MYO18B: variants seen among roughly 807,000 people sequenced by gnomAD.
The protein encoded by MYO18B is myosin XVIIIB, also known as unconventional myosin-XVIIIb.
In MYO18B, 204 loss-of-function variants were observed where a neutral mutation model predicts 273.0. That is an observed-to-expected ratio of 0.75 (90% CI 0.67 to 0.84). The LOEUF is 0.84. MYO18B is among the 40% of genes least tolerant of loss of function. The probability of loss-of-function intolerance (pLI) is 0.00; values close to 1 mark genes in which losing one functional copy is unlikely to be tolerated. For missense variants in MYO18B, 3,212 were observed against 3,287.6 expected (o/e 0.98, Z 0.56); for synonymous variants, 1,330 against 1,305.7 (o/e 1.02, Z -0.40).
chr22:25,946,345 A>G, intron 35 of MYO18B, 95 bp downstream of exon 35: 4 of 783,182 alleles, frequency 5.1e-6, no homozygotes, highest in Non-Finnish European at 8.0e-6. Context: ...TATAGGAAGT[A>G]TGAGGACATT....
chr22:26,033,969 T>G (rs1395320677), downstream of MYO18B, among the ~76,000 whole-genome samples: 1 of 151,828 alleles, frequency 6.6e-6, no homozygotes, highest in Non-Finnish European at 1.5e-5. Flanking sequence ...TTTTTCTTTT[T>G]TTGGATGGGG....
At chr22:25,967,851 A>G (rs930896188) in intron 39 of MYO18B, among the ~76,000 whole-genome samples, 4 of 152,174 alleles carry the variant, frequency 2.6e-5, no homozygotes, top group African/African-American at 9.7e-5. Context: ...GCCAGAGCTG[A>G]CTGTGTCCAT....
At chr22:25,878,659 G>A (rs893381102) in intron 25 of MYO18B, among the ~76,000 whole-genome samples, 1 of 152,222 alleles carries the variant, frequency 6.6e-6, no homozygotes, top group Non-Finnish European at 1.5e-5. Flanking sequence ...TAGCAATTAG[G>A]AAGTGCAAAT....
At chr22:25,990,748 C>A (rs2093261293) in intron 39 of MYO18B, among the ~76,000 whole-genome samples, 1 of 133,312 alleles carries the variant, frequency 7.5e-6, no homozygotes, top group African/African-American at 2.8e-5. Flanking sequence ...AGACTCCAGG[C>A]TAAGAGAGGG....
At chr22:25,862,409 C>T (rs955316743) in intron 21 of MYO18B, among the ~76,000 whole-genome samples, 7 of 152,074 alleles carry the variant, frequency 4.6e-5, no homozygotes, top group Non-Finnish European at 7.4e-5. Flanking sequence ...TTTTTGTTTT[C>T]CCATGCTCTT....
intron 1 of MYO18B, among the ~76,000 whole-genome samples, chr22:25,756,889 C>T (rs955136101): frequency 1.3e-5 from 2 of 151,986 alleles, no homozygotes; most frequent in East Asian, 1.9e-4. Context: ...GGCAAAACCC[C>T]GTCTCTACTG....
chr22:25,972,787 C>T (rs2093049358), intron 39 of MYO18B, among the ~76,000 whole-genome samples: 1 of 152,088 alleles, frequency 6.6e-6, no homozygotes. Flanking sequence ...GAAACCCCTT[C>T]TCTACTAAAA....
At chr22:25,856,216 T>G (rs911558460) in intron 21 of MYO18B, among the ~76,000 whole-genome samples, 6 of 152,182 alleles carry the variant, frequency 3.9e-5, no homozygotes, top group African/African-American at 1.4e-4. Context: ...TTGTTTTGTT[T>G]TTTTGATAGT....
intron 12 of MYO18B, 114 bp downstream of exon 12, chr22:25,798,211 T>A (rs964942321): frequency 8.3e-6 from 11 of 1,317,998 alleles, no homozygotes; most frequent in Non-Finnish European, 5.0e-6. Context: ...ACCTTCTATG[T>A]CTCTGGGACT....
At position 25,843,730 on chromosome 22, in the gene MYO18B, T is replaced by A; in HGVS notation, c.3209-5T>A. On this transcript the variant is annotated splice_polypyrimidine_tract_variant and splice_region_variant and intron_variant, in intron 17 of 43. Transcript: ENST00000335473. The stretch of plus-strand genomic sequence containing the variant: ...CAGCACTCATGCCACCATGTCTGTT[T>A]CCAGGGTCCTCTGCCCTGCGGACCT... 1 of 1,610,618 alleles carries A rather than the reference T, an allele frequency of 6.2e-7. No homozygotes were observed. Among genetic ancestry groups the A allele is most frequent in the Non-Finnish European group, 8.5e-7 (1 of 1,177,258 alleles).
At chr22:25,892,869 C>T (rs2091699039) in intron 27 of MYO18B, among the ~76,000 whole-genome samples, 1 of 152,056 alleles carries the variant, frequency 6.6e-6, no homozygotes, top group Non-Finnish European at 1.5e-5. Context: ...CTATAAAATC[C>T]CCAGAGGGGC....
Position 25,837,647 on chromosome 22 carries a change from A to G in MYO18B, c.3208+2204A>G, listed in dbSNP as rs144395656. ...GCAGAGACCTCTGTCCGAGACATTCATGGTAGATTCCTGTGCCCATATCAG... is the reference window on the plus strand; with the variant it reads ...GCAGAGACCTCTGTCCGAGACATTCGTGGTAGATTCCTGTGCCCATATCAG... On this transcript the variant is annotated intron_variant, in intron 17 of 43. Transcript: ENST00000335473. 4.8e-3 allele frequency among the ~76,000 whole-genome samples: 726 copies of G among 152,342 alleles called. 4 individuals are homozygous for G. Among genetic ancestry groups the G allele is most frequent in the Non-Finnish European group, 8.0e-3 (542 of 68,028 alleles).
In MYO18B at chr22:25,769,367, A is replaced by C; in HGVS notation, c.1451A>C (p.Asn484Thr). The change falls in exon 4 of 44, where the codon AAC becomes ACC. Residue 484 changes from asparagine to threonine, a missense_variant. Transcript: ENST00000335473. ...GAAAGGCCTCGGATACGGAAGGAGA[A>C]CCAAGACGGGCCAGCCCCGCAGGAG... is the stretch of plus-strand genomic sequence containing the variant. ...DAERPRIRKE[N>T]QDGPAPQEEG... 3 of 1,575,504 alleles carry C rather than the reference A, an allele frequency of 1.9e-6. No individual in the cohort carries two copies. The highest frequency in any genetic ancestry group is 2.6e-6 in the Non-Finnish European group (3 of 1,161,142).
In MYO18B at chr22:25,780,515, A is replaced by G. The variant is rs2087095968; in HGVS notation, c.2211+317A>G. 2.0e-5 allele frequency among the ~76,000 whole-genome samples: 3 copies of G among 146,616 alleles called. No homozygotes were observed. In the South Asian group the frequency reaches 6.9e-4, roughly 34 times the overall value. On this transcript the variant is annotated intron_variant, in intron 9 of 43. Coordinates refer to ENST00000335473, the MANE Select transcript of MYO18B (RefSeq NM_032608.7). ...TGAGGCAGGAGAATCCCTTGAACCC[A>G]GGAGGCGGAGGTTGTAGTGAGCCGA...
the MYO18B span, among the ~76,000 whole-genome samples, chr22:26,039,562 GC>G: frequency 6.6e-6 from 1 of 152,128 alleles, no homozygotes; most frequent in South Asian, 2.1e-4. Flanking sequence ...TGGGAATGCT[GC>G]CACAGCCTCC....
At position 25,921,416 on chromosome 22, in the gene MYO18B, G is replaced by A. The variant is rs2146443893; in HGVS notation, c.5517+7G>A. 3.1e-6 allele frequency: 5 copies of A among 1,598,688 alleles called. No individual in the cohort carries two copies. The East Asian group carries it at 9.0e-5, about 29-fold the overall frequency. On this transcript the variant is annotated splice_region_variant and intron_variant, in intron 34 of 43. Transcript: ENST00000335473. ...GGAGAAAGTGCACAGCCAGGTGGGT[G>A]TCACGGGATCCCCTTGAGAATCAGG...
At position 26,029,374 on chromosome 22, in the gene MYO18B, C is replaced by T. The variant is rs148595732; in HGVS notation, c.*13-1069C>T. 5.5e-3 allele frequency among the ~76,000 whole-genome samples: 842 copies of T among 152,276 alleles called. 9 individuals carry two copies. Among genetic ancestry groups the T allele is most frequent in the African/African-American group, 0.019 (798 of 41,546 alleles). Reference sequence around the variant, plus strand: ...CCCATCAAAAAGCCATTGCCCCTTCCGTGGAGACAGGTTTGGACTCTATCA... The same window carrying T: ...CCCATCAAAAAGCCATTGCCCCTTCTGTGGAGACAGGTTTGGACTCTATCA... On this transcript the variant is annotated intron_variant, in intron 43 of 43. Transcript: ENST00000335473.
At chr22:25,787,058 A>G (rs376450776) in intron 11 of MYO18B, among the ~76,000 whole-genome samples, 1 of 152,032 alleles carries the variant, frequency 6.6e-6, no homozygotes, top group East Asian at 1.9e-4. Flanking sequence ...TACTAAAAAT[A>G]CTAAAAATTA....
chr22:25,915,057 A>AG (rs1202286661), intron 33 of MYO18B, among the ~76,000 whole-genome samples: 1 of 151,216 alleles, frequency 6.6e-6, no homozygotes. Context: ...AAAAAAAAAA[A>AG]TGTTATACTT....
Sources: gnomAD v4.1 joint callset for allele counts (sites outside exome capture counted in the v4.1 genomes callset) on GRCh38, gnomAD v4.1.1 for gene constraint, MANE v1.5 for transcripts, NCBI Gene and HGNC (gene_info 2026-07-23, HGNC 2026-07-21) for gene names.